Variants in SKI observed in about 807,000 individuals in gnomAD.
The protein encoded by SKI is ski oncogene.
In SKI, 23 loss-of-function variants were observed where a neutral mutation model predicts 59.3. The ratio of observed to expected loss-of-function variants is 0.39; its 90% CI spans 0.28 to 0.55. The LOEUF is 0.55. Among genes scored for constraint, SKI ranks in the 20% least tolerant of loss-of-function variants. The pLI, the probability that SKI is intolerant of heterozygous loss-of-function variation, is 0.67. For missense variants in SKI, 1,017 were observed against 1,038.9 expected (o/e 0.98, Z 0.29); for synonymous variants, 673 against 488.6 (o/e 1.38, Z -4.98).
intron 1 of SKI, among the ~76,000 whole-genome samples, chr1:2,266,774 A>C (rs1639509037): frequency 6.6e-6 from 1 of 152,166 alleles, no homozygotes; most frequent in African/African-American, 2.4e-5. Context: ...GAAAATGAAG[A>C]TGGTGCTGTC....
chr1:2,304,895 A>G (rs756336190), intron 5 of SKI, among the ~76,000 whole-genome samples: 1 of 152,226 alleles, frequency 6.6e-6, no homozygotes, highest in Non-Finnish European at 1.5e-5. Context: ...GGAAGTAGCC[A>G]TGTTTCTCTG....
chr1:2,306,697 G>C lies in SKI; in HGVS notation c.2119G>C (p.Glu707Gln). The C allele has an allele frequency of 6.5e-7, 1 of 1,543,072 alleles. No homozygotes were observed. The highest frequency in any genetic ancestry group is 8.7e-7 in the Non-Finnish European group (1 of 1,144,670). The change falls in exon 7 of 7, where the codon GAA (glutamate) becomes CAA (glutamine). Residue 707 changes from glutamate to glutamine, a missense_variant. Glu to Gln is a conservative substitution (Grantham distance 29). Coordinates refer to ENST00000378536, the MANE Select transcript of SKI (RefSeq NM_003036.4). ...GGAGAAGGTGGTGAAGGAGCTGCAG[G>C]AACAGCTGTGGCCGCGGGCCCGCCC... is the stretch of plus-strand genomic sequence containing the variant. ...HLEKVVKELQ[E>Q]QLWPRARPEA...
Position 2,229,056 on chromosome 1 carries a change from C to A in SKI, c.290C>A (p.Ser97Tyr). Residue 97 changes from serine (S) to tyrosine (Y), a missense_variant, in exon 1 of 7, where the codon TCC (serine) becomes TAC (tyrosine). Physicochemically the swap from Ser to Tyr is moderately radical, Grantham distance 144 (BLOSUM62 -2). Transcript: ENST00000378536. This position sits in a 1 kb window ranked among gnomAD's most constrained non-coding sequence, Gnocchi z 6.3. ...PGPFFMPSDR[S>Y]TERCETVLEG... ...CCCTTCTTCATGCCGTCCGACCGCT[C>A]CACCGAGCGCTGCGAGACCGTACTG... is the stretch of plus-strand genomic sequence containing the variant. The A allele has an allele frequency of 6.2e-7, 1 of 1,605,992 alleles. No homozygotes were observed. The highest frequency in any genetic ancestry group is 8.5e-7 in the Non-Finnish European group (1 of 1,179,706).
At chr1:2,251,156 T>C (rs1639137465) in intron 1 of SKI, among the ~76,000 whole-genome samples, 1 of 152,096 alleles carries the variant, frequency 6.6e-6, no homozygotes, top group South Asian at 2.1e-4. Flanking sequence ...CCCGCCTGCC[T>C]TCTTGCCGTG....
At chr1:2,235,819 C>T (rs180955264) in intron 1 of SKI, among the ~76,000 whole-genome samples, 6 of 152,330 alleles carry the variant, frequency 3.9e-5, no homozygotes, top group Admixed American at 6.5e-5. Context: ...GGCCATGGCC[C>T]GGAGGTGGCG....
intron 1 of SKI, among the ~76,000 whole-genome samples, chr1:2,232,880 A>G (rs1040257985): frequency 1.3e-5 from 2 of 152,128 alleles, no homozygotes; most frequent in Non-Finnish European, 2.9e-5. Context: ...TGCTGCTGGG[A>G]GCACTTAGCC....
intron 1 of SKI, among the ~76,000 whole-genome samples, chr1:2,293,137 G>A (rs1194044543): frequency 1.3e-5 from 2 of 152,236 alleles, no homozygotes; most frequent in Non-Finnish European, 1.5e-5. Flanking sequence ...TAGGGCTCGG[G>A]CCTGAGCGGG....
chr1:2,264,457 A>T (rs2100843604), intron 1 of SKI, among the ~76,000 whole-genome samples: 1 of 151,956 alleles, frequency 6.6e-6, no homozygotes, highest in East Asian at 1.9e-4. Context: ...TTTAGTAGAG[A>T]CAGGGTTTCT....
intron 1 of SKI, among the ~76,000 whole-genome samples, chr1:2,258,879 C>A (rs1179816108): frequency 1.3e-5 from 2 of 152,110 alleles, no homozygotes; most frequent in African/African-American, 4.8e-5. Flanking sequence ...TGGCCCAGGG[C>A]CCCACCTGGG....
chr1:2,305,319 G>T (rs2843158), intron 5 of SKI, among the ~76,000 whole-genome samples: 5 of 152,190 alleles, frequency 3.3e-5, no homozygotes, highest in African/African-American at 9.7e-5. Context: ...GTTGTTCACC[G>T]GGCCCCGGCC....
intron 1 of SKI, among the ~76,000 whole-genome samples, chr1:2,300,130 G>A (rs1037873441): frequency 2.0e-5 from 3 of 152,224 alleles, no homozygotes; most frequent in African/African-American, 4.8e-5. Flanking sequence ...GCTCACACGC[G>A]TTGCCCGGGT....
At chr1:2,282,462 C>T (rs59328202) in intron 1 of SKI, among the ~76,000 whole-genome samples, 3,467 of 64,262 alleles carry the variant, frequency 0.054, 630 homozygotes, top group South Asian at 0.14. Context: ...AGAGAGAGGA[C>T]GCCTGAGAAG....
chr1:2,306,290 C>T, intron 6 of SKI, 40 bp downstream of exon 6: 1 of 1,486,862 alleles, frequency 6.7e-7, no homozygotes. Flanking sequence ...GCACGGTGGG[C>T]GTGGAGCCGC....
chr1:2,228,790 C>A lies in SKI; in HGVS notation c.24C>A (p.Arg8=). The A allele has an allele frequency of 7.6e-7, 1 of 1,317,308 alleles. No individual in the cohort carries two copies. Among genetic ancestry groups the A allele is most frequent in the South Asian group, 1.6e-5 (1 of 63,844 alleles). 81.6% of individuals were successfully genotyped at this position (1,317,308 alleles called of 1,614,324 possible). The change falls in exon 1 of 7, where the codon CGC becomes CGA. Residue 8 remains arginine, a synonymous_variant. Transcript: ENST00000378536. Reference sequence around the variant, plus strand: ...CCATGGAGGCGGCGGCAGGCGGCCGCGGCTGTTTCCAGCCGCACCCGGGGC... The same window carrying A: ...CCATGGAGGCGGCGGCAGGCGGCCGAGGCTGTTTCCAGCCGCACCCGGGGC... The part of the protein sequence containing the change: MEAAAGG[R]GCFQPHPGLQ...
rs539344953 is a variant in SKI, at chr1:2,284,629, G to A, written c.970-18349G>A. Reference sequence around the variant, plus strand: ...CACCGGCCCAGAGGGCCCGCTGTCCGTGTGGACCTCCTGTGACTGCATGGG... The same window carrying A: ...CACCGGCCCAGAGGGCCCGCTGTCCATGTGGACCTCCTGTGACTGCATGGG... On this transcript the variant is annotated intron_variant, in intron 1 of 6. Coordinates refer to ENST00000378536, the MANE Select transcript of SKI (RefSeq NM_003036.4). Among the ~76,000 whole-genome samples the A allele has an allele frequency of 6.6e-5, 10 of 152,318 alleles. No homozygotes were observed. In the East Asian group the frequency reaches 1.7e-3, roughly 26 times the overall value.
At chr1:2,277,302 G>GT (rs1351340299) in intron 1 of SKI, among the ~76,000 whole-genome samples, 2 of 152,198 alleles carry the variant, frequency 1.3e-5, no homozygotes, top group Admixed American at 1.3e-4. Context: ...GTTTGGCTGT[G>GT]TCCCCACCCA....
At chr1:2,235,762 C>T (rs1050566242) in intron 1 of SKI, among the ~76,000 whole-genome samples, 3 of 152,178 alleles carry the variant, frequency 2.0e-5, no homozygotes, top group Non-Finnish European at 2.9e-5. Context: ...ATTGTGGGGA[C>T]AATAGTAAAA....
chr1:2,246,367 T>G (rs1246413878), intron 1 of SKI, among the ~76,000 whole-genome samples: 1 of 152,072 alleles, frequency 6.6e-6, no homozygotes, highest in African/African-American at 2.4e-5. Flanking sequence ...TTGAGTCGAG[T>G]TGTGTGTGGG....
At chr1:2,279,709 TCTTC>T (rs1639830553) in intron 1 of SKI, among the ~76,000 whole-genome samples, 1 of 152,160 alleles carries the variant, frequency 6.6e-6, no homozygotes, top group African/African-American at 2.4e-5. Context: ...AACAGTTCTT[TCTTC>T]CTTATTTTAT....
Sources: allele counts gnomAD v4.1 joint callset (sites outside exome capture counted in the v4.1 genomes callset), GRCh38; gene constraint gnomAD v4.1.1; non-coding constraint Gnocchi (gnomAD v3.1); transcripts MANE v1.5; gene names NCBI Gene and HGNC (gene_info 2026-07-23, HGNC 2026-07-21).